The following BNIP5 variants were observed in gnomAD, a reference collection of about 807,000 sequenced individuals.
BNIP5 encodes BCL2 interacting protein 5, also known as protein BNIP5.
In BNIP5, 61 loss-of-function variants were observed where a neutral mutation model predicts 67.3. That is an observed-to-expected ratio of 0.91 (90% CI 0.74 to 1.12). BNIP5 has a LOEUF of 1.12. Among genes scored for constraint, BNIP5 ranks in the 50% most tolerant of loss-of-function variants. The probability of loss-of-function intolerance (pLI) is 0.00; values close to 1 mark genes in which losing one functional copy is unlikely to be tolerated. For missense variants in BNIP5, 826 were observed against 816.3 expected, an observed-to-expected ratio of 1.01 and a Z score of -0.14; for synonymous variants, 317 against 319.0, an observed-to-expected ratio of 0.99 and a Z score of 0.07.
At chr6:36,334,332 C>T (rs11965968) in intron 1 of BNIP5, among the ~76,000 whole-genome samples, 3,339 of 152,314 alleles carry the variant, frequency 0.022, 96 homozygotes, top group African/African-American at 0.065. Context: ...CTCTGCTATC[C>T]AAGAGTTTCC....
In BNIP5 at chr6:36,321,239, A is replaced by G. The variant is rs200598334; in HGVS notation, c.1604-20T>C. On this transcript the variant is annotated intron_variant, in intron 9 of 11. Transcript: ENST00000437635. ...TCTCCTCTAAGGAAAAGAAAGGAGG[A>G]TTGAGTGACTGTTGACTGGGTGATG... 2 of 1,575,132 alleles carry G rather than the reference A, an allele frequency of 1.3e-6. No individual in the cohort carries two copies. Among genetic ancestry groups the G allele is most frequent in the Non-Finnish European group, 1.7e-6 (2 of 1,155,610 alleles).
Position 36,322,298 on chromosome 6 carries a change from G to C in BNIP5, c.1603+13C>G, listed in dbSNP as rs1771653453. 1.2e-6 allele frequency: 2 copies of C among 1,613,974 alleles called. No homozygotes were observed. Among genetic ancestry groups the C allele is most frequent in the Non-Finnish European group, 1.7e-6 (2 of 1,179,918 alleles). ...CGGGAAGCTGTCCAGGTAAGAGCAG[G>C]GGTGTTACTGACTAGATTCACATGC... On this transcript the variant is annotated intron_variant, in intron 9 of 11. Coordinates refer to ENST00000437635, the MANE Select transcript of BNIP5 (RefSeq NM_001010903.5).
At chr6:36,319,687 A>C in intron 10 of BNIP5, 77 bp from the exon 11 acceptor site, 1 of 1,532,202 alleles carries the variant, frequency 6.5e-7, no homozygotes, top group Non-Finnish European at 8.9e-7. Context: ...CCACAACTCC[A>C]TGCAGCCAGG....
Position 36,329,455 on chromosome 6 carries a change from C to T in BNIP5, c.610+626G>A, listed in dbSNP as rs922563298. Among the ~76,000 whole-genome samples, 41 of 152,310 alleles carry T rather than the reference C, an allele frequency of 2.7e-4. 1 individual carries two copies. The highest frequency in any genetic ancestry group is 3.1e-4 in the Non-Finnish European group (21 of 68,026). On this transcript the variant is annotated intron_variant, in intron 2 of 11. Transcript: ENST00000437635. ...CTCCCTGGGCCACACAGCTTGTGAA[C>T]GGCGGCACTGTGAGTGGTTCTCCCT...
chr6:36,330,726 T>G (rs753237791), intron 1 of BNIP5, 32 bp from the exon 2 acceptor site: 2 of 1,517,466 alleles, frequency 1.3e-6, no homozygotes, highest in East Asian at 2.3e-5. Flanking sequence ...CCCTTAGTTT[T>G]TTTGTTTGTT....
intron 1 of BNIP5, among the ~76,000 whole-genome samples, chr6:36,331,386 A>G (rs1771903499): frequency 6.6e-6 from 1 of 152,166 alleles, no homozygotes; most frequent in South Asian, 2.1e-4. Flanking sequence ...CCAGAACTGC[A>G]TGATAATTAA....
chr6:36,320,014 C>T (rs1771601209), intron 10 of BNIP5, among the ~76,000 whole-genome samples: 1 of 152,172 alleles, frequency 6.6e-6, no homozygotes. Context: ...GTAAAGTATC[C>T]ACCCAACCCC....
chr6:36,330,113 G>T lies in BNIP5; in HGVS notation c.578C>A (p.Ser193Tyr), dbSNP rs773640034. ...GLSKAAAALRSGEADLGPARR... is the reference protein window; with the variant it reads ...GLSKAAAALRYGEADLGPARR... ...AGCTGGGCCCAGGTCAGCCTCCCCG[G>T]AGCGCAAGGCAGCAGCTGCCTTGGA... Residue 193 changes from serine (S) to tyrosine (Y), a missense_variant, in exon 2 of 12, where the codon TCC (serine) becomes TAC (tyrosine). Ser to Tyr is a moderately radical substitution (Grantham distance 144). Transcript: ENST00000437635. The T allele has an allele frequency of 6.2e-7, 1 of 1,610,222 alleles. No homozygotes were observed. The highest frequency in any genetic ancestry group is 1.1e-5 in the South Asian group (1 of 91,028).
chr6:36,329,936 G>C, intron 2 of BNIP5, 145 bp downstream of exon 2: 1 of 790,544 alleles, frequency 1.3e-6, no homozygotes, highest in Admixed American at 2.5e-5. Context: ...GAGGGAGGAA[G>C]GGAGGGAGGA....
chr6:36,317,751 C>A (rs1291398125), intron 11 of BNIP5, among the ~76,000 whole-genome samples: 2 of 152,156 alleles, frequency 1.3e-5, no homozygotes, highest in East Asian at 1.9e-4. Flanking sequence ...TTCCACAGAG[C>A]CTCACAGCCC....
chr6:36,323,856 C>T (rs1370380975), intron 7 of BNIP5, among the ~76,000 whole-genome samples: 1 of 151,986 alleles, frequency 6.6e-6, no homozygotes, highest in Non-Finnish European at 1.5e-5. Flanking sequence ...AAAAATTAGC[C>T]GGGTGTGGTG....
intron 5 of BNIP5, among the ~76,000 whole-genome samples, chr6:36,326,235 C>T (rs1202897569): frequency 2.6e-5 from 4 of 152,172 alleles, no homozygotes; most frequent in Non-Finnish European, 2.9e-5. Context: ...GAAGTTGAGG[C>T]GGCCAAGAAA....
In BNIP5 at chr6:36,317,314, C is replaced by G. The variant is rs1454649628; in HGVS notation, c.*42G>C. On this transcript the variant is annotated 3_prime_UTR_variant, in exon 12 of 12. Coordinates refer to ENST00000437635, the MANE Select transcript of BNIP5 (RefSeq NM_001010903.5). ...GGGTCTCCTGGCTAAAGCTGCGAAC[C>G]ATTTGGCTAGTTCAAGGGAATTTGA... 3.2e-6 allele frequency: 5 copies of G among 1,557,644 alleles called. No individual in the cohort carries two copies. Among genetic ancestry groups the G allele is most frequent in the Non-Finnish European group, 4.4e-6 (5 of 1,128,534 alleles).
Position 36,330,467 on chromosome 6 carries a change from G to C in BNIP5, c.224C>G (p.Ala75Gly). ...ATCTCCGGTCTCCTCGGGAGTGGGG[G>C]CTGCAGCGGTGGTGCAGTGAGCCTC... Reference protein sequence around the residue: ...SAEAHCTTAAAPTPEETGDFL... With the variant: ...SAEAHCTTAAGPTPEETGDFL... The change falls in exon 2 of 12, where the codon GCC (alanine) becomes GGC (glycine). Residue 75 changes from alanine to glycine, a missense_variant. Physicochemically the swap from Ala to Gly is moderately conservative, Grantham distance 60 (BLOSUM62 0). Transcript: ENST00000437635. The C allele has an allele frequency of 9.9e-6, 16 of 1,614,204 alleles. No individual in the cohort carries two copies. Among genetic ancestry groups the C allele is most frequent in the African/African-American group, 1.3e-5 (1 of 75,070 alleles).
rs1316523815 is a variant in BNIP5 at position 36,316,385 on chromosome 6, C to T, written c.*971G>A. On this transcript the variant is annotated 3_prime_UTR_variant, in exon 12 of 12. Transcript: ENST00000437635. ...GCTATACAGAAGGCAGAGCCTCTGG[C>T]ACCCCCACACTTCACCTTTGTGCAA... 1 of 397,694 alleles carries T rather than the reference C, an allele frequency of 2.5e-6. No individual in the cohort carries two copies. Among genetic ancestry groups the T allele is most frequent in the Non-Finnish European group, 4.4e-6 (1 of 225,976 alleles). The allele number at this position is 397,694 out of a possible 1,614,324, so 24.6% of individuals were successfully genotyped here. A position where few individuals can be genotyped will look rare whatever the true frequency, so the allele number is the denominator to read the frequency against.
At chr6:36,327,222 C>T (rs1771785633) in intron 3 of BNIP5, 128 bp from the exon 4 acceptor site, 1 of 808,386 alleles carries the variant, frequency 1.2e-6, no homozygotes, top group African/African-American at 1.7e-5. Context: ...CACCACATCC[C>T]AGGGGCAGGT....
At chr6:36,321,771 G>A (rs918382059) in intron 9 of BNIP5, among the ~76,000 whole-genome samples, 8 of 152,166 alleles carry the variant, frequency 5.3e-5, no homozygotes, top group Admixed American at 5.2e-4. Context: ...GCAGTGGCGC[G>A]ATCTCGCCTC....
At chr6:36,326,995 A>T (rs780949302) in intron 4 of BNIP5, 35 bp downstream of exon 4, 4 of 1,587,142 alleles carry the variant, frequency 2.5e-6, no homozygotes, top group Non-Finnish European at 3.5e-6. Flanking sequence ...GAGAAGGCAG[A>T]GAGCCCCTGG....
At position 36,316,308 on chromosome 6, in the gene BNIP5, A is replaced by C; in HGVS notation, c.*1048T>G. The C allele has an allele frequency of 2.5e-6, 1 of 394,020 alleles. No individual in the cohort carries two copies. Among genetic ancestry groups the C allele is most frequent in the Non-Finnish European group, 4.5e-6 (1 of 223,664 alleles). The allele number at this position is 394,020 out of a possible 1,614,324, so 24.4% of individuals were successfully genotyped here. ...ACAGTCTTGTCCTTCCTGCACATAG[A>C]TATGAACATGTGGCAAATTTCACAC... is the stretch of plus-strand genomic sequence containing the variant. On this transcript the variant is annotated 3_prime_UTR_variant, in exon 12 of 12. Coordinates refer to ENST00000437635, the MANE Select transcript of BNIP5 (RefSeq NM_001010903.5).
Sources: gnomAD v4.1 joint callset for allele counts (sites outside exome capture counted in the v4.1 genomes callset) on GRCh38, gnomAD v4.1.1 for gene constraint, MANE v1.5 for transcripts, NCBI Gene and HGNC (gene_info 2026-07-23, HGNC 2026-07-21) for gene names.